Variants in PDE4D observed in about 807,000 individuals in gnomAD.
The protein encoded by PDE4D is 3',5'-cyclic-AMP phosphodiesterase 4D.
In PDE4D, 24 loss-of-function variants were observed where a neutral mutation model predicts 87.4. The ratio of observed to expected loss-of-function variants is 0.27; its 90% confidence interval spans 0.20 to 0.39. The LOEUF (loss-of-function observed/expected upper bound fraction) is 0.39, where lower values mean the gene tolerates loss of function less well. PDE4D is among the 10% of genes least tolerant of loss of function. The pLI is 1.00. For missense variants in PDE4D, 714 were observed against 1,041.0 expected (o/e 0.69, Z 4.32); for synonymous variants, 384 against 383.2 (o/e 1.00, Z -0.02).
At position 60,080,900 on chromosome 5, in the gene PDE4D, A is replaced by T. The variant is rs371313243; in HGVS notation, c.43-92183T>A. Among the ~76,000 whole-genome samples, 48 of 152,298 alleles carry T rather than the reference A, an allele frequency of 3.2e-4. No homozygotes were observed. The South Asian group carries it at 8.3e-3, about 26-fold the overall frequency. ...AGGATGATGCTGGCTTCATAAAATG[A>T]GTTAGGGAGGAGTCCCTCCTTTTCA... On this transcript the variant is annotated intron_variant, in intron 2 of 16. Transcript: ENST00000502484.
intron 3 of PDE4D, among the ~76,000 whole-genome samples, chr5:59,935,880 A>C (rs994233665): frequency 1.3e-5 from 2 of 152,200 alleles, no homozygotes; most frequent in Admixed American, 1.3e-4. Flanking sequence ...GGTTGGTTCC[A>C]AGTCTTTGCT....
chr5:60,167,835 G>T (rs1783066621), intron 2 of PDE4D, among the ~76,000 whole-genome samples: 1 of 152,050 alleles, frequency 6.6e-6, no homozygotes, highest in African/African-American at 2.4e-5. Context: ...TCAATCACTG[G>T]TGCTTTATTC....
At chr5:60,356,642 TC>T (rs1276687451) in intron 1 of PDE4D, among the ~76,000 whole-genome samples, 2 of 152,086 alleles carry the variant, frequency 1.3e-5, no homozygotes, top group African/African-American at 2.4e-5. Context: ...TTCCTTCTTT[TC>T]CCCCCACTTT....
intron 1 of PDE4D, among the ~76,000 whole-genome samples, chr5:59,620,878 G>A (rs1455608670): frequency 1.3e-5 from 2 of 152,138 alleles, no homozygotes; most frequent in Non-Finnish European, 2.9e-5. Flanking sequence ...CCAGCATGGG[G>A]AAGAAACAAA....
intron 1 of PDE4D, among the ~76,000 whole-genome samples, chr5:60,241,754 T>G (rs1474801392): frequency 1.3e-5 from 2 of 151,902 alleles, no homozygotes; most frequent in Non-Finnish European, 2.9e-5. Context: ...AAAGGGATCA[T>G]AACAAAGAAC....
intron 1 of PDE4D, among the ~76,000 whole-genome samples, chr5:59,719,818 G>A (rs1189505172): frequency 1.3e-5 from 2 of 152,090 alleles, no homozygotes. Flanking sequence ...CCCTTCCTAA[G>A]ACTAGCCATG....
At chr5:59,594,592 A>T (rs1330750125) in intron 1 of PDE4D, among the ~76,000 whole-genome samples, 1 of 152,096 alleles carries the variant, frequency 6.6e-6, no homozygotes, top group Non-Finnish European at 1.5e-5. Context: ...AAGTGCTGGG[A>T]TTACCAGGCA....
intron 1 of PDE4D, among the ~76,000 whole-genome samples, chr5:59,273,729 C>T (rs935532620): frequency 6.6e-6 from 1 of 151,976 alleles, no homozygotes; most frequent in African/African-American, 2.4e-5. Context: ...CACACATTAA[C>T]AAATCAAAAT....
chr5:59,255,553 C>T (rs768161734), intron 1 of PDE4D, among the ~76,000 whole-genome samples: 47 of 151,910 alleles, frequency 3.1e-4, no homozygotes, highest in Admixed American at 1.2e-3. Context: ...CTAAAAATCA[C>T]GAAATTATAC....
intron 1 of PDE4D, among the ~76,000 whole-genome samples, chr5:59,413,466 A>AAAAAAAAAAAAAAAAAAAAAAAAAAAC (rs1793063643): frequency 6.7e-6 from 1 of 150,118 alleles, no homozygotes; most frequent in African/African-American, 2.5e-5. Flanking sequence ...TCAAAAAAAA[A>AAAAAAAAAAAAAAAAAAAAAAAAAAAC]AAAAAAAAAA....
intron 3 of PDE4D, among the ~76,000 whole-genome samples, chr5:59,965,838 C>G (rs1197787947): frequency 6.6e-6 from 1 of 152,192 alleles, no homozygotes; most frequent in Non-Finnish European, 1.5e-5. Context: ...ATCTCCACTA[C>G]TCTACTCTGC....
At chr5:60,189,881 G>C (rs558812566) in intron 1 of PDE4D, among the ~76,000 whole-genome samples, 1 of 152,196 alleles carries the variant, frequency 6.6e-6, no homozygotes, top group African/African-American at 2.4e-5. Flanking sequence ...TTTGGGTACA[G>C]TTGCCTCTGA....
At chr5:59,032,737 C>G (rs1307720877) in intron 6 of PDE4D, among the ~76,000 whole-genome samples, 1 of 152,192 alleles carries the variant, frequency 6.6e-6, no homozygotes, top group Admixed American at 6.5e-5. Flanking sequence ...TCTAGACAGG[C>G]AAGCACATGC....
chr5:60,066,149 T>A (rs1199934371), intron 2 of PDE4D, among the ~76,000 whole-genome samples: 1 of 152,204 alleles, frequency 6.6e-6, no homozygotes, highest in Non-Finnish European at 1.5e-5. Context: ...AGATGGTATC[T>A]CATTGTGGTT....
chr5:60,084,848 C>T (rs1044326523), intron 2 of PDE4D, among the ~76,000 whole-genome samples: 1 of 152,102 alleles, frequency 6.6e-6, no homozygotes, highest in African/African-American at 2.4e-5. Flanking sequence ...TTAACCTGCC[C>T]CATCAGCCAG....
chr5:59,865,002 G>C (rs1746810563), intron 1 of PDE4D, among the ~76,000 whole-genome samples: 1 of 152,098 alleles, frequency 6.6e-6, no homozygotes, highest in African/African-American at 2.4e-5. Flanking sequence ...CCCACACCAG[G>C]TCACCTAAGA....
chr5:59,940,303 T>A (rs1240577936), intron 3 of PDE4D, among the ~76,000 whole-genome samples: 2 of 152,138 alleles, frequency 1.3e-5, no homozygotes, highest in Admixed American at 1.3e-4. Flanking sequence ...GATTTGAATT[T>A]CAAAGGATTT....
At position 59,899,973 on chromosome 5, in the gene PDE4D, G is replaced by T. The variant is rs139268201; in HGVS notation, c.272+88515C>A. 1.3e-3 allele frequency among the ~76,000 whole-genome samples: 191 copies of T among 152,260 alleles called. 1 individual carries two copies. The highest frequency in any genetic ancestry group is 4.3e-3 in the African/African-American group (179 of 41,552). Reference sequence around the variant, plus strand: ...TAAGACTATTTGGCTGGGTGCAGTGGCTCATGCCTGTAATCCCAGCACTTT... The same window carrying T: ...TAAGACTATTTGGCTGGGTGCAGTGTCTCATGCCTGTAATCCCAGCACTTT... On this transcript the variant is annotated intron_variant, in intron 3 of 16. Coordinates refer to the PDE4D transcript ENST00000502484.
chr5:60,483,177 G>A (rs989724380), intron 1 of PDE4D, among the ~76,000 whole-genome samples: 1 of 152,048 alleles, frequency 6.6e-6, no homozygotes, highest in African/African-American at 2.4e-5. Context: ...GGGTGGGTGG[G>A]GGACAGAGTT....
Sources: allele counts gnomAD v4.1 joint callset (sites outside exome capture counted in the v4.1 genomes callset), GRCh38; gene constraint gnomAD v4.1.1; transcripts MANE v1.5; gene names NCBI Gene and HGNC (gene_info 2026-07-23, HGNC 2026-07-21).